The following MAMLD1 variants were observed in gnomAD, a reference collection of about 807,000 sequenced individuals.
MAMLD1 encodes the protein mastermind-like domain-containing protein 1.
A neutral mutation model predicts 45.0 loss-of-function variants in MAMLD1; 14 were observed. That is an observed-to-expected ratio of 0.31 (90% CI 0.21 to 0.49). The LOEUF (loss-of-function observed/expected upper bound fraction) is 0.49, where lower values mean the gene tolerates loss of function less well. Ranked by LOEUF, MAMLD1 falls within the 20% of genes least tolerant of loss-of-function variation. MAMLD1 has a pLI of 0.99. For synonymous variants in MAMLD1, 254 were observed against 247.8 expected, an observed-to-expected ratio of 1.02 and a Z score of -0.24; for missense variants, 543 against 603.6, an observed-to-expected ratio of 0.90 and a Z score of 1.05.
chrX:150,455,780 C>T lies in MAMLD1; in HGVS notation c.97-6992C>T, dbSNP rs201233321. Among the ~76,000 whole-genome samples the T allele has an allele frequency of 9.4e-3, 681 of 72,446 alleles. 10 individuals are homozygous for T. Among genetic ancestry groups the T allele is most frequent in the African/African-American group, 0.039 (635 of 16,163 alleles). 62.9% of individuals were successfully genotyped at this position (72,446 alleles called of 115,157 possible). On this transcript the variant is annotated intron_variant, in intron 2 of 7. Coordinates refer to ENST00000370401, the MANE Select transcript of MAMLD1 (RefSeq NM_005491.5). The stretch of plus-strand genomic sequence containing the variant: ...AGAAGGTTTTCTTCTTCTTCTTCTT[C>T]TTTTTTTTTTTTTTGTATAATCAGA...
chrX:150,445,865 G>T (rs2035471258), intron 2 of MAMLD1, among the ~76,000 whole-genome samples: 1 of 111,231 alleles, frequency 9.0e-6, no homozygotes. Context: ...TCACTGCATT[G>T]CACCCATTCA....
intron 1 of MAMLD1, among the ~76,000 whole-genome samples, chrX:150,439,028 A>T (rs782589329): frequency 8.9e-6 from 1 of 111,948 alleles, no homozygotes; most frequent in Admixed American, 9.5e-5. Context: ...TTCTTTTTTA[A>T]TTATAGCCAT....
chrX:150,454,502 C>T (rs1234606833), intron 2 of MAMLD1, among the ~76,000 whole-genome samples: 1 of 111,978 alleles, frequency 8.9e-6, no homozygotes, highest in Non-Finnish European at 1.9e-5. Flanking sequence ...CAAAAATCTC[C>T]TGTGTTTTTC....
At chrX:150,401,483 T>C (rs1557402434) in intron 1 of MAMLD1, among the ~76,000 whole-genome samples, 1 of 104,045 alleles carries the variant, frequency 9.6e-6, no homozygotes, top group African/African-American at 3.5e-5. Flanking sequence ...ATCGTGAAAA[T>C]GGCCATACTG....
At chrX:150,398,252 G>GAGAAGAAGAAGAAGAAGAAGA (rs1221742768) in intron 1 of MAMLD1, among the ~76,000 whole-genome samples, 6 of 40,761 alleles carry the variant, frequency 1.5e-4, no homozygotes, top group South Asian at 1.9e-3. Context: ...GGAGGAGAAG[G>GAGAAGAAGAAGAAGAAGAAGA]AGAAGAAGAA....
At chrX:150,477,214 T>C (rs1362583118) in intron 5 of MAMLD1, among the ~76,000 whole-genome samples, 1 of 22,935 alleles carries the variant, frequency 4.4e-5, no homozygotes, top group Non-Finnish European at 7.5e-5. Context: ...GTCTGTAAAA[T>C]GGAGATTAGC....
At chrX:150,364,793 G>C (rs1013852558) in intron 1 of MAMLD1, among the ~76,000 whole-genome samples, 2 of 113,311 alleles carry the variant, frequency 1.8e-5, no homozygotes, top group African/African-American at 6.4e-5. Context: ...AATTTTGAAA[G>C]AGTTGGCTAG....
chrX:150,441,796 C>T (rs2035324305), intron 1 of MAMLD1, among the ~76,000 whole-genome samples: 2 of 111,055 alleles, frequency 1.8e-5, no homozygotes, highest in South Asian at 7.5e-4. Flanking sequence ...TTATTTAGGC[C>T]TTATTGAAAC....
chrX:150,387,396 T>C (rs1306613503), intron 1 of MAMLD1, among the ~76,000 whole-genome samples: 3 of 112,065 alleles, frequency 2.7e-5, no homozygotes, highest in African/African-American at 9.7e-5. Context: ...GCCAAAGAAA[T>C]GGTGTCTGGG....
intron 1 of MAMLD1, among the ~76,000 whole-genome samples, chrX:150,403,953 A>AAAGAAAGAAAG (rs2033907167): frequency 1.3e-5 from 1 of 78,352 alleles, no homozygotes; most frequent in Non-Finnish European, 2.5e-5. Context: ...AGAAAGAAAG[A>AAAGAAAGAAAG]AAGAAAGAAA....
At chrX:150,511,557 GGCTGAGCTA>G (rs1376898995) in intron 7 of MAMLD1, among the ~76,000 whole-genome samples, 12 of 112,042 alleles carry the variant, frequency 1.1e-4, no homozygotes, top group Non-Finnish European at 1.9e-4. Flanking sequence ...GAATCTAAGA[GGCTGAGCTA>G]GCTCCCGCCA....
chrX:150,430,999 A>C (rs918347384), intron 1 of MAMLD1, among the ~76,000 whole-genome samples: 7 of 112,523 alleles, frequency 6.2e-5, no homozygotes, highest in African/African-American at 2.3e-4. Context: ...AATTTTGATA[A>C]GAATTGGTTA....
At chrX:150,417,004 T>A (rs2034265250) in intron 1 of MAMLD1, among the ~76,000 whole-genome samples, 1 of 110,833 alleles carries the variant, frequency 9.0e-6, no homozygotes, top group Non-Finnish European at 1.9e-5. Context: ...CTTTTTTCTT[T>A]CTTTCTTTCT....
intron 2 of MAMLD1, among the ~76,000 whole-genome samples, chrX:150,460,159 C>T (rs1472862039): frequency 8.9e-6 from 1 of 112,126 alleles, no homozygotes; most frequent in Non-Finnish European, 1.9e-5. Flanking sequence ...TCAGGGTGCC[C>T]ACAGGCAAGG....
At chrX:150,390,143 G>A (rs187799989) in intron 1 of MAMLD1, among the ~76,000 whole-genome samples, 153 of 111,374 alleles carry the variant, frequency 1.4e-3, no homozygotes, top group African/African-American at 4.3e-3. Context: ...GTTGCTCACT[G>A]TGTCCTCAAA....
chrX:150,447,868 T>C (rs1476215277), intron 2 of MAMLD1, among the ~76,000 whole-genome samples: 7 of 112,083 alleles, frequency 6.2e-5, no homozygotes, highest in African/African-American at 1.9e-4. Context: ...AGCACGTTTC[T>C]TGCACCACTC....
At chrX:150,501,587 T>G (rs12834742) in intron 5 of MAMLD1, among the ~76,000 whole-genome samples, 310 of 112,420 alleles carry the variant, frequency 2.8e-3, no homozygotes, top group Non-Finnish European at 4.5e-3. Flanking sequence ...TAGAAATCGC[T>G]TGCTAAGATT....
chrX:150,391,737 G>T (rs2033189218), intron 1 of MAMLD1, among the ~76,000 whole-genome samples: 1 of 111,647 alleles, frequency 9.0e-6, no homozygotes, highest in Non-Finnish European at 1.9e-5. Flanking sequence ...ATTCATTGTT[G>T]TGATTTTCTT....
At chrX:150,438,128 A>C (rs782786980) in intron 1 of MAMLD1, among the ~76,000 whole-genome samples, 101 of 111,969 alleles carry the variant, frequency 9.0e-4, no homozygotes, top group Non-Finnish European at 1.6e-3. Context: ...GTTTTTTACT[A>C]TTATGAATAG....
Sources: allele counts gnomAD v4.1 joint callset (sites outside exome capture counted in the v4.1 genomes callset), GRCh38; gene constraint gnomAD v4.1.1; transcripts MANE v1.5; gene names NCBI Gene and HGNC (gene_info 2026-07-23, HGNC 2026-07-21).